Variants in ATP8B3 observed in about 807,000 individuals in gnomAD.
The protein encoded by ATP8B3 is phospholipid-transporting ATPase IK.
ATP8B3 carries 141 observed loss-of-function variants against 140.9 expected under a neutral mutation model. The observed-to-expected ratio is 1.00, with a 90% CI of 0.87 to 1.15. The LOEUF (loss-of-function observed/expected upper bound fraction) is 1.15. Ranked by LOEUF, ATP8B3 falls within the 50% of genes most tolerant of loss-of-function variation. The pLI is 0.00. For synonymous variants in ATP8B3, 765 were observed against 714.6 expected (o/e 1.07, Z -1.13); for missense variants, 1,874 against 1,740.6 (o/e 1.08, Z -1.36).
In ATP8B3 at chr19:1,807,312, C is replaced by T. The variant is rs751813013; in HGVS notation, c.517-46G>A. On this transcript the variant is annotated intron_variant, in intron 5 of 28. Transcript: ENST00000310127. The surrounding 1 kb of genome is among the most constrained non-coding windows in gnomAD (Gnocchi z 5.9). Reference sequence around the variant, plus strand: ...GAAGGGTCACACCAGCCCACTCCCCCGTCCCCTGCCCTTCCACCAAGCCGA... The same window carrying T: ...GAAGGGTCACACCAGCCCACTCCCCTGTCCCCTGCCCTTCCACCAAGCCGA... 7.3e-6 allele frequency: 11 copies of T among 1,502,278 alleles called. No individual in the cohort carries two copies. The highest frequency in any genetic ancestry group is 1.1e-5 in the South Asian group (1 of 87,854). The allele number at this position is 1,502,278 out of a possible 1,614,324, so 93.1% of individuals were successfully genotyped here. A position where few individuals can be genotyped will look rare whatever the true frequency, so the allele number is the denominator to read the frequency against.
rs1282072283 is a variant in ATP8B3 at position 1,790,800 on chromosome 19, G to A, written c.2335C>T (p.Leu779=). Residue 779 remains leucine (L), a synonymous_variant, in exon 21 of 29, where the codon CTG becomes TTG. Coordinates refer to ENST00000310127, the MANE Select transcript of ATP8B3 (RefSeq NM_138813.4). ...TAVNIGFACE[L]LSENMLILEE... is the part of the protein sequence containing the mutation. ...AGAATGAGCATATTCTCTGACAGCA[G>A]CTCGCAGGCGAAGCCGATGTTCACA... 1.2e-6 allele frequency: 2 copies of A among 1,605,620 alleles called. No individual in the cohort carries two copies. Among genetic ancestry groups the A allele is most frequent in the Non-Finnish European group, 1.7e-6 (2 of 1,177,246 alleles).
intron 11 of ATP8B3, 63 bp downstream of exon 11, chr19:1,802,424 C>CCCCA: frequency 2.8e-6 from 3 of 1,068,964 alleles, no homozygotes; most frequent in Non-Finnish European, 3.9e-6. Flanking sequence ...CACCCATCCC[C>CCCCA]ACATCCATCT....
chr19:1,809,536 C>A (rs536933141), intron 4 of ATP8B3, 107 bp downstream of exon 4: 1 of 909,132 alleles, frequency 1.1e-6, no homozygotes, highest in Non-Finnish European at 1.7e-6. Context: ...AGAAAACTAT[C>A]GAGCAAATAC....
intron 10 of ATP8B3, among the ~76,000 whole-genome samples, chr19:1,804,731 G>A (rs886444308): frequency 6.6e-6 from 1 of 151,750 alleles, no homozygotes; most frequent in African/African-American, 2.4e-5. Flanking sequence ...GCTTGAACCT[G>A]GGAGGCAGAG....
intron 16 of ATP8B3, 79 bp from the exon 17 acceptor site, chr19:1,796,344 T>G: frequency 6.2e-5 from 81 of 1,301,880 alleles, no homozygotes; most frequent in Non-Finnish European, 7.8e-5. Flanking sequence ...GAGATGGGTA[T>G]CGCCTGGGCT....
rs200055945 is a variant in ATP8B3, at chr19:1,783,251, C to T, written c.3680G>A (p.Gly1227Asp). The T allele has an allele frequency of 5.0e-5, 80 of 1,609,134 alleles. No homozygotes were observed. In the African/African-American group the frequency reaches 6.9e-4, roughly 14 times the overall value. ...CATGGTGAAAATCTCCTCGCTGGGGCCCTCCTCCACCTTCTCCTCCTGAAG... is the reference window on the plus strand; with the variant it reads ...CATGGTGAAAATCTCCTCGCTGGGGTCCTCCTCCACCTTCTCCTCCTGAAG... ...LRAKEEKVEE[G>D]PSEEIFTMEP... is the part of the protein sequence containing the mutation. The change falls in exon 29 of 29, where the codon GGC becomes GAC. Residue 1227 changes from glycine (G) to aspartate (D), a missense_variant. Transcript: ENST00000310127.
In ATP8B3 at chr19:1,806,311, G is replaced by A. The variant is rs1197697675; in HGVS notation, c.678-142C>T. ...TTTGCCCCCTCAGGAAGCCTTCCCC[G>A]GGCTCCCACCCCACTCCCCGCGGGT... is the stretch of plus-strand genomic sequence containing the variant. On this transcript the variant is annotated intron_variant, in intron 7 of 28. Transcript: ENST00000310127. This position sits in a 1 kb window ranked among gnomAD's most constrained non-coding sequence, Gnocchi z 5.6. 24 of 1,481,112 alleles carry A rather than the reference G, an allele frequency of 1.6e-5. No individual in the cohort carries two copies. The highest frequency in any genetic ancestry group is 4.9e-4 in the Middle Eastern group (2 of 4,104). The allele number at this position is 1,481,112 out of a possible 1,614,324, so 91.7% of individuals were successfully genotyped here. A position where few individuals can be genotyped will look rare whatever the true frequency, so the allele number is the denominator to read the frequency against.
chr19:1,802,421 C>A, intron 11 of ATP8B3, 66 bp downstream of exon 11: 3 of 597,102 alleles, frequency 5.0e-6, no homozygotes, highest in Non-Finnish European at 7.8e-6. Flanking sequence ...ACCCACCCAT[C>A]CCCACATCCA....
At chr19:1,791,411 A>G (rs2145181026) in intron 20 of ATP8B3, among the ~76,000 whole-genome samples, 1 of 147,852 alleles carries the variant, frequency 6.8e-6, no homozygotes, top group African/African-American at 2.5e-5. Flanking sequence ...TTTTTGAGAC[A>G]GAGTCTCGCT....
rs952804197 is a variant in ATP8B3, at chr19:1,795,919, G to C, written c.2011C>G (p.His671Asp). The change falls in exon 18 of 29, where the codon CAC (histidine) becomes GAC (aspartate). Residue 671 changes from histidine to aspartate, a missense_variant. Physicochemically the swap from His to Asp is moderately conservative, Grantham distance 81. Transcript: ENST00000310127. ...GADTVIFERL[H>D]RRGAMEFATE... ...GCAAATTCCATTGCCCCCCTCCTGT[G>C]CAAGCGTTCGAAGATGACCGTGTCG... is the stretch of plus-strand genomic sequence containing the variant. 2 of 1,613,040 alleles carry C rather than the reference G, an allele frequency of 1.2e-6. No individual in the cohort carries two copies. The highest frequency in any genetic ancestry group is 1.6e-4 in the Middle Eastern group (1 of 6,062).
rs2068984435 is a variant in ATP8B3 at position 1,805,532 on chromosome 19, T to G, written c.822-76A>C. On this transcript the variant is annotated intron_variant, in intron 9 of 28. Transcript: ENST00000310127. This position sits in a 1 kb window ranked among gnomAD's most constrained non-coding sequence, Gnocchi z 5.2. ...AGGAGCCCCCAGACCCCTTCTGGAG[T>G]CACTCAAACATTTTCACTGAGCACC... is the stretch of plus-strand genomic sequence containing the variant. 4 of 1,267,878 alleles carry G rather than the reference T, an allele frequency of 3.2e-6. No homozygotes were observed. In the South Asian group the frequency reaches 5.1e-5, roughly 16 times the overall value. The allele number at this position is 1,267,878 out of a possible 1,614,324, so 78.5% of individuals were successfully genotyped here.
intron 20 of ATP8B3, among the ~76,000 whole-genome samples, chr19:1,791,535 G>C (rs770007775): frequency 6.6e-6 from 1 of 151,928 alleles, no homozygotes; most frequent in Non-Finnish European, 1.5e-5. Context: ...TTACAGATGC[G>C]CACCACCACA....
rs1237613318 is a variant in ATP8B3, at chr19:1,811,659, C to G, written c.78G>C (p.Gly26=). The G allele has an allele frequency of 3.7e-6, 6 of 1,610,610 alleles. No homozygotes were observed. Among genetic ancestry groups the G allele is most frequent in the Non-Finnish European group, 5.1e-6 (6 of 1,179,766 alleles). ...GAGTCACGTCTGAGTCACCCGTGTC[C>G]CCAGGTCCTGGTGGGGCAGGGCTTG... ...PEPSPAPPGP[G]DTGDSDVTQE... Residue 26 remains glycine (G), a synonymous_variant, in exon 2 of 29, where the codon GGG becomes GGC. Coordinates refer to ENST00000310127, the MANE Select transcript of ATP8B3 (RefSeq NM_138813.4).
In ATP8B3 at chr19:1,809,742, G is replaced by A. The variant is rs191913024; in HGVS notation, c.311-8C>T. 1.8e-3 allele frequency: 2,925 copies of A among 1,601,194 alleles called. 30 individuals are homozygous for A. In the African/African-American group the frequency reaches 0.026, roughly 14 times the overall value. ...GGACCTTCCAGGTGAATGCTGCAGC[G>A]AGAGAGCCGGGCGTCGCTGGAGCTC... On this transcript the variant is annotated splice_polypyrimidine_tract_variant and splice_region_variant and intron_variant, in intron 3 of 28. Transcript: ENST00000310127.
At chr19:1,784,062 A>ACGG (rs1157021067) in intron 28 of ATP8B3, among the ~76,000 whole-genome samples, 1 of 152,098 alleles carries the variant, frequency 6.6e-6, no homozygotes, top group African/African-American at 2.4e-5. Flanking sequence ...ACTCCTTCTC[A>ACGG]CGGCTCAGGC....
intron 24 of ATP8B3, among the ~76,000 whole-genome samples, chr19:1,788,083 A>G (rs971443753): frequency 3.3e-5 from 5 of 152,034 alleles, no homozygotes; most frequent in African/African-American, 1.2e-4. Flanking sequence ...ACCAATATAT[A>G]CTTACTAAGG....
intron 4 of ATP8B3, among the ~76,000 whole-genome samples, chr19:1,809,303 T>G (rs1440050773): frequency 6.6e-5 from 10 of 151,112 alleles, no homozygotes; most frequent in Non-Finnish European, 1.5e-4. Flanking sequence ...GCCAACATGG[T>G]GAAACTGTCT....
intron 3 of ATP8B3, among the ~76,000 whole-genome samples, chr19:1,810,415 C>T (rs904488423): frequency 9.2e-5 from 14 of 152,158 alleles, no homozygotes; most frequent in Non-Finnish European, 2.1e-4. Flanking sequence ...TACAGGCATA[C>T]GCCACCACGC....
intron 4 of ATP8B3, among the ~76,000 whole-genome samples, chr19:1,808,930 C>T (rs553829804): frequency 1.3e-5 from 2 of 152,196 alleles, no homozygotes; most frequent in Admixed American, 1.3e-4. Flanking sequence ...CCCAGCATTT[C>T]GGGAGGTCAA....
Sources: gnomAD v4.1 joint callset for allele counts (sites outside exome capture counted in the v4.1 genomes callset) on GRCh38, gnomAD v4.1.1 for gene constraint, Gnocchi (gnomAD v3.1) non-coding constraint, MANE v1.5 for transcripts, NCBI Gene and HGNC (gene_info 2026-07-23, HGNC 2026-07-21) for gene names.